GRM7: variants seen among roughly 807,000 people sequenced by gnomAD.
GRM7 encodes the protein metabotropic glutamate receptor 7.
In GRM7, 35 loss-of-function variants were observed where a neutral mutation model predicts 84.5. That is an observed-to-expected ratio of 0.41 (90% CI 0.32 to 0.55). The LOEUF (loss-of-function observed/expected upper bound fraction) is 0.55. GRM7 is among the 20% of genes least tolerant of loss of function. The probability of loss-of-function intolerance (pLI) is 0.19; values close to 1 mark genes in which losing one functional copy is unlikely to be tolerated. For missense variants in GRM7, 1,003 were observed against 1,194.6 expected (o/e 0.84, Z 2.36); for synonymous variants, 487 against 455.1 (o/e 1.07, Z -0.89).
In GRM7 at chr3:7,578,694, C is replaced by A. The variant is rs1322429422; in HGVS notation, c.1788C>A (p.Phe596Leu). The A allele has an allele frequency of 1.9e-6, 3 of 1,614,108 alleles. No homozygotes were observed. In the Admixed American group the frequency reaches 5.0e-5, roughly 27 times the overall value. Reference protein sequence around the residue: ...WHSPWAVIPVFLAMLGIIATI... With the variant: ...WHSPWAVIPVLLAMLGIIATI... The stretch of plus-strand genomic sequence containing the variant: ...CCCCCTGGGCTGTGATTCCTGTCTT[C>A]CTGGCAATGTTGGGGATCATTGCCA... Residue 596 changes from phenylalanine to leucine, a missense_variant, in exon 8 of 10, where the codon TTC (phenylalanine) becomes TTA (leucine). Around this residue, in one of 2 missense-constraint regions of GRM7, gnomAD observed 910 missense variants for 1,126.0 expected, o/e 0.81. Coordinates refer to ENST00000357716, the MANE Select transcript of GRM7 (RefSeq NM_000844.4).
Position 7,151,821 on chromosome 3 carries a change from C to G in GRM7, c.736+5153C>G, listed in dbSNP as rs955838107. ...CAGTTGCTTTCACTCTGAATTTACA[C>G]CATTATTTCCTCTCACCATTCCTAT... is the stretch of plus-strand genomic sequence containing the variant. On this transcript the variant is annotated intron_variant, in intron 2 of 9. Transcript: ENST00000357716. This position sits in a 1 kb window ranked among gnomAD's most constrained non-coding sequence, Gnocchi z 4.5. Among the ~76,000 whole-genome samples, 3 of 152,176 alleles carry G rather than the reference C, an allele frequency of 2.0e-5. No individual in the cohort carries two copies. Among genetic ancestry groups the G allele is most frequent in the Admixed American group, 2.0e-4 (3 of 15,276 alleles).
At chr3:7,010,936 C>T (rs980106086) in intron 1 of GRM7, among the ~76,000 whole-genome samples, 4 of 152,148 alleles carry the variant, frequency 2.6e-5, no homozygotes, top group Non-Finnish European at 4.4e-5. Flanking sequence ...GAAGCAGAGT[C>T]GGGGGAAGAG....
intron 1 of GRM7, among the ~76,000 whole-genome samples, chr3:6,943,891 T>C (rs1697972040): frequency 6.6e-6 from 1 of 152,110 alleles, no homozygotes; most frequent in South Asian, 2.1e-4. Flanking sequence ...ACGGGTGTTG[T>C]ACATCTTTTG....
At chr3:7,176,692 C>T (rs1378081070) in intron 2 of GRM7, among the ~76,000 whole-genome samples, 1 of 152,158 alleles carries the variant, frequency 6.6e-6, no homozygotes, top group Non-Finnish European at 1.5e-5. Context: ...ATTCATGTCT[C>T]TTCCTTGTCT....
At chr3:7,201,623 A>G (rs1352488355) in intron 2 of GRM7, among the ~76,000 whole-genome samples, 2 of 152,206 alleles carry the variant, frequency 1.3e-5, no homozygotes, top group African/African-American at 4.8e-5. Context: ...TATTTTCCCA[A>G]TTCAATCTCC....
Position 7,630,522 on chromosome 3 carries a change from G to T in GRM7, c.2452-49527G>T, listed in dbSNP as rs116328503. 2.7e-3 allele frequency among the ~76,000 whole-genome samples: 413 copies of T among 152,222 alleles called. 1 individual carries two copies. The highest frequency in any genetic ancestry group is 9.6e-3 in the African/African-American group (397 of 41,538). ...CAGAGGAAAGATAACAAGGGGAAAG[G>T]GACTGCTACTACCCCAAAAGGTTTT... On this transcript the variant is annotated intron_variant, in intron 8 of 9. Coordinates refer to ENST00000357716, the MANE Select transcript of GRM7 (RefSeq NM_000844.4).
rs537207113 is a variant in GRM7, at chr3:6,881,633, T to C, written c.519+19726T>C. 4.0e-5 allele frequency among the ~76,000 whole-genome samples: 6 copies of C among 151,764 alleles called. No homozygotes were observed. The East Asian group carries it at 5.8e-4, about 15-fold the overall frequency. On this transcript the variant is annotated intron_variant, in intron 1 of 9. Coordinates refer to ENST00000357716, the MANE Select transcript of GRM7 (RefSeq NM_000844.4). ...CCTCATTAAAAATGGGCAAAGGACA[T>C]GAACAGATACTTCTCAAAAGAAGAC...
At chr3:7,172,062 A>G (rs975624778) in intron 2 of GRM7, among the ~76,000 whole-genome samples, 1 of 152,168 alleles carries the variant, frequency 6.6e-6, no homozygotes, top group African/African-American at 2.4e-5. Flanking sequence ...GGCATTTGAA[A>G]TTGTCAGTGT....
chr3:6,945,341 C>T (rs1275986474), intron 1 of GRM7, among the ~76,000 whole-genome samples: 1 of 151,990 alleles, frequency 6.6e-6, no homozygotes, highest in Non-Finnish European at 1.5e-5. Context: ...TGATAGTTTG[C>T]TGAGAATGAT....
chr3:7,690,464 A>T (rs977311392), intron 9 of GRM7, among the ~76,000 whole-genome samples: 2 of 152,224 alleles, frequency 1.3e-5, no homozygotes, highest in Non-Finnish European at 2.9e-5. Flanking sequence ...ATTCTTCCAG[A>T]TAAAGCCTCT....
intron 1 of GRM7, among the ~76,000 whole-genome samples, chr3:7,052,052 A>C (rs1176234876): frequency 6.6e-6 from 1 of 151,674 alleles, no homozygotes; most frequent in Non-Finnish European, 1.5e-5. Context: ...GTTAGGAAAA[A>C]GTCATCTCAT....
chr3:7,050,277 T>A (rs553619311), intron 1 of GRM7, among the ~76,000 whole-genome samples: 3 of 151,864 alleles, frequency 2.0e-5, no homozygotes, highest in African/African-American at 7.2e-5. Flanking sequence ...ATAACTAACA[T>A]AAAAGTCTGT....
chr3:7,524,264 G>A (rs1700708246), intron 7 of GRM7, among the ~76,000 whole-genome samples: 1 of 150,182 alleles, frequency 6.7e-6, no homozygotes, highest in African/African-American at 2.5e-5. Flanking sequence ...ATTGACAAAT[G>A]GGATCCAATT....
At chr3:6,898,172 C>A (rs895492480) in intron 1 of GRM7, among the ~76,000 whole-genome samples, 2 of 152,130 alleles carry the variant, frequency 1.3e-5, no homozygotes, top group Non-Finnish European at 2.9e-5. Flanking sequence ...TATATATTGT[C>A]AGCTGTAAAA....
At chr3:7,525,129 G>T (rs1239540) in intron 7 of GRM7, among the ~76,000 whole-genome samples, 59,636 of 148,020 alleles carry the variant, frequency 0.4, 12,417 homozygotes, top group African/African-American at 0.51. Flanking sequence ...GTGGGGGTAG[G>T]GGGGAGGGAT....
chr3:7,490,641 A>G (rs551937814), intron 7 of GRM7, among the ~76,000 whole-genome samples: 1 of 152,296 alleles, frequency 6.6e-6, no homozygotes, highest in East Asian at 1.9e-4. Context: ...AGTGCTATTA[A>G]TCATTGTTGA....
chr3:7,705,480 T>C lies in GRM7; in HGVS notation c.2698+25185T>C, dbSNP rs908150242. Among the ~76,000 whole-genome samples, 7 of 152,120 alleles carry C rather than the reference T, an allele frequency of 4.6e-5. 1 individual carries two copies. Among genetic ancestry groups the C allele is most frequent in the African/African-American group, 9.7e-5 (4 of 41,416 alleles). On this transcript the variant is annotated intron_variant, in intron 9 of 9. Transcript: ENST00000357716. ...TCCAGCTAGGGACACAGGTTACCAA[T>C]TGATAACAAATACAAAACTGCAACT...
chr3:7,618,204 G>A (rs1009223058), intron 8 of GRM7, among the ~76,000 whole-genome samples: 1 of 152,060 alleles, frequency 6.6e-6, no homozygotes, highest in African/African-American at 2.4e-5. Flanking sequence ...TAAAGAAGCT[G>A]GGGGTTTTAG....
intron 8 of GRM7, among the ~76,000 whole-genome samples, chr3:7,582,216 G>T (rs1052471783): frequency 6.6e-6 from 1 of 152,150 alleles, no homozygotes; most frequent in Non-Finnish European, 1.5e-5. Context: ...TTGCCTTGTG[G>T]TTGTGTCTAT....
Sources: gnomAD v4.1 joint callset for allele counts (sites outside exome capture counted in the v4.1 genomes callset) on GRCh38, gnomAD v4.1.1 for gene constraint, gnomAD v4.1.1 regional missense constraint, Gnocchi (gnomAD v3.1) non-coding constraint, MANE v1.5 for transcripts, NCBI Gene and HGNC (gene_info 2026-07-23, HGNC 2026-07-21) for gene names.